RAD51B: variants seen among roughly 807,000 people sequenced by gnomAD.
RAD51B encodes RAD51 paralog B, also known as DNA repair protein RAD51 homolog 2.
In RAD51B, 38 loss-of-function variants were observed where a neutral mutation model predicts 42.2. That is an observed-to-expected ratio of 0.90 (90% CI 0.70 to 1.18). The LOEUF is 1.18. RAD51B is among the 50% of genes most tolerant of loss of function. The pLI is 0.00. For missense variants in RAD51B, 373 were observed against 400.7 expected, an observed-to-expected ratio of 0.93 and a Z score of 0.59; for synonymous variants, 154 against 145.2, an observed-to-expected ratio of 1.06 and a Z score of -0.43.
Position 68,315,738 on chromosome 14 carries a change from A to G in RAD51B, c.853+23758A>G, listed in dbSNP as rs144298180. Among the ~76,000 whole-genome samples the G allele has an allele frequency of 9.4e-3, 1,428 of 152,198 alleles. 14 individuals carry two copies. Among genetic ancestry groups the G allele is most frequent in the East Asian group, 0.039 (200 of 5,170 alleles). ...AGGGTTTCACCATGTTAGCCAGGATAGTCTCCATCTCCTGACCTCATGATC... is the reference window on the plus strand; with the variant it reads ...AGGGTTTCACCATGTTAGCCAGGATGGTCTCCATCTCCTGACCTCATGATC... On this transcript the variant is annotated intron_variant, in intron 8 of 10. Coordinates refer to ENST00000471583, the MANE Select transcript of RAD51B (RefSeq NM_133510.4).
intron 1 of RAD51B, among the ~76,000 whole-genome samples, chr14:67,821,096 G>A (rs2040611799): frequency 6.6e-6 from 1 of 152,200 alleles, no homozygotes; most frequent in Non-Finnish European, 1.5e-5. Flanking sequence ...GCAGGATTGT[G>A]ACACTGATCT....
intron 8 of RAD51B, chr14:68,339,168 T>G (rs780228835): frequency 3.8e-5 from 30 of 799,788 alleles, no homozygotes; most frequent in Non-Finnish European, 6.1e-5. Flanking sequence ...GCTGGTAGCT[T>G]TCTTCTTGGC....
chr14:68,458,177 C>T (rs1269588654), intron 9 of RAD51B, among the ~76,000 whole-genome samples: 1 of 151,934 alleles, frequency 6.6e-6, no homozygotes, highest in Non-Finnish European at 1.5e-5. Flanking sequence ...TTTTTGTTTC[C>T]GTTTTTTGAG....
intron 7 of RAD51B, among the ~76,000 whole-genome samples, chr14:68,150,736 C>T (rs146870991): frequency 2.3e-3 from 343 of 152,122 alleles, no homozygotes; most frequent in African/African-American, 7.7e-3. Flanking sequence ...AGCTGTAACT[C>T]CTTGTGTAGT....
chr14:68,351,284 A>G (rs2082781967), intron 8 of RAD51B, among the ~76,000 whole-genome samples: 1 of 152,238 alleles, frequency 6.6e-6, no homozygotes, highest in Non-Finnish European at 1.5e-5. Context: ...AGCATGAACT[A>G]AAGACCAGAA....
At chr14:67,944,176 G>C (rs2045306026) in intron 7 of RAD51B, among the ~76,000 whole-genome samples, 1 of 150,040 alleles carries the variant, frequency 6.7e-6, no homozygotes, top group South Asian at 2.1e-4. Context: ...TTTCATCTTA[G>C]AGTACGTGCC....
intron 3 of RAD51B, among the ~76,000 whole-genome samples, chr14:67,834,725 A>G (rs997590831): frequency 1.3e-5 from 2 of 152,204 alleles, no homozygotes; most frequent in African/African-American, 2.4e-5. Flanking sequence ...TTCAGATTTT[A>G]GCACGGGCAT....
chr14:68,051,284 T>C (rs1000431880), intron 7 of RAD51B, among the ~76,000 whole-genome samples: 3 of 152,136 alleles, frequency 2.0e-5, no homozygotes, highest in African/African-American at 7.2e-5. Flanking sequence ...GCCTGTTTTC[T>C]TGGCACTACT....
intron 10 of RAD51B, among the ~76,000 whole-genome samples, chr14:68,625,110 C>T (rs1892046987): frequency 6.6e-6 from 1 of 152,172 alleles, no homozygotes; most frequent in Non-Finnish European, 1.5e-5. Context: ...GGACTAGTCC[C>T]AGCCCTAGTG....
intron 7 of RAD51B, among the ~76,000 whole-genome samples, chr14:67,992,395 A>G (rs1248634544): frequency 6.6e-6 from 1 of 152,210 alleles, no homozygotes; most frequent in Non-Finnish European, 1.5e-5. Context: ...TGTCTAAAAA[A>G]TGAAATAGAC....
chr14:68,607,465 G>T (rs1379706051), intron 10 of RAD51B, among the ~76,000 whole-genome samples: 1 of 152,060 alleles, frequency 6.6e-6, no homozygotes, highest in African/African-American at 2.4e-5. Context: ...GAGGAAGTCT[G>T]CGGCCAGCCC....
chr14:68,495,587 G>A (rs910789956), intron 10 of RAD51B, among the ~76,000 whole-genome samples: 6 of 152,030 alleles, frequency 3.9e-5, no homozygotes, highest in African/African-American at 9.7e-5. Flanking sequence ...CTCGAAGCAC[G>A]GGCTGCCAAG....
chr14:68,292,390 A>C (rs1188693026), intron 8 of RAD51B, among the ~76,000 whole-genome samples: 2 of 152,168 alleles, frequency 1.3e-5, no homozygotes, highest in Non-Finnish European at 2.9e-5. Flanking sequence ...GAGATATGAC[A>C]TTCCTGATCA....
At chr14:68,401,962 T>C (rs1200226370) in intron 8 of RAD51B, among the ~76,000 whole-genome samples, 1 of 152,210 alleles carries the variant, frequency 6.6e-6, no homozygotes, top group East Asian at 1.9e-4. Flanking sequence ...CAGTGCTCTA[T>C]TTATAGAGCT....
At chr14:67,833,461 A>G (rs1261186458) in intron 3 of RAD51B, among the ~76,000 whole-genome samples, 2 of 152,228 alleles carry the variant, frequency 1.3e-5, no homozygotes, top group Non-Finnish European at 2.9e-5. Context: ...CACAGGGAAT[A>G]TGTTTCAAGA....
chr14:67,855,530 G>T (rs143314791), intron 4 of RAD51B, among the ~76,000 whole-genome samples: 4 of 151,932 alleles, frequency 2.6e-5, no homozygotes, highest in Admixed American at 6.6e-5. Flanking sequence ...TTGAGCCACC[G>T]CACCCGGCCT....
intron 9 of RAD51B, among the ~76,000 whole-genome samples, chr14:68,457,046 G>T (rs1163762175): frequency 1.3e-5 from 2 of 151,508 alleles, no homozygotes; most frequent in East Asian, 1.9e-4. Flanking sequence ...CTGAGTAGCT[G>T]GGATTACAGG....
intron 7 of RAD51B, among the ~76,000 whole-genome samples, chr14:67,903,615 C>T (rs1242271451): frequency 3.3e-5 from 5 of 152,116 alleles, no homozygotes; most frequent in African/African-American, 9.7e-5. Context: ...GAACCCTAAT[C>T]GTGTTTTGGT....
intron 10 of RAD51B, among the ~76,000 whole-genome samples, chr14:68,604,181 G>A (rs8006141): frequency 0.16 from 24,158 of 152,180 alleles, 2,095 homozygotes; most frequent in African/African-American, 0.21. Context: ...CCAGGTGCAC[G>A]CGAGAGTGGC....
Sources: gnomAD v4.1 joint callset for allele counts (sites outside exome capture counted in the v4.1 genomes callset) on GRCh38, gnomAD v4.1.1 for gene constraint, MANE v1.5 for transcripts, NCBI Gene and HGNC (gene_info 2026-07-23, HGNC 2026-07-21) for gene names.